The following ELAVL4 variants were observed in gnomAD, a reference collection of about 807,000 sequenced individuals.
ELAVL4 encodes ELAV-like protein 4.
A neutral mutation model predicts 35.6 loss-of-function variants in ELAVL4; 1 was observed. The observed-to-expected ratio is 0.03, with a 90% confidence interval of 0.01 to 0.13. The LOEUF is 0.13. ELAVL4 is among the 10% of genes least tolerant of loss of function. ELAVL4 has a pLI of 1.00. For synonymous variants in ELAVL4, 156 were observed against 171.0 expected (o/e 0.91, Z 0.69); for missense variants, 267 against 464.9 (o/e 0.57, Z 3.91).
intron 1 of ELAVL4, among the ~76,000 whole-genome samples, chr1:50,090,007 G>T (rs925615624): frequency 1.3e-5 from 2 of 152,238 alleles, no homozygotes; most frequent in Non-Finnish European, 1.5e-5. Flanking sequence ...GTCCCAACAT[G>T]TAAAGTATAG....
intron 3 of ELAVL4, among the ~76,000 whole-genome samples, chr1:50,186,102 G>A (rs193143889): frequency 7.2e-5 from 11 of 152,148 alleles, no homozygotes; most frequent in East Asian, 1.9e-4. Flanking sequence ...TGAATCTATC[G>A]TCACATCTTT....
At chr1:50,078,618 G>A (rs568425735) in intron 1 of ELAVL4, among the ~76,000 whole-genome samples, 1 of 152,294 alleles carries the variant, frequency 6.6e-6, no homozygotes, top group East Asian at 1.9e-4. Context: ...AAGGTTCCTA[G>A]GTGAGTGGAA....
At chr1:50,147,374 A>G (rs1673909104) in intron 2 of ELAVL4, among the ~76,000 whole-genome samples, 1 of 152,222 alleles carries the variant, frequency 6.6e-6, no homozygotes, top group African/African-American at 2.4e-5. Context: ...ATTTTAAATT[A>G]ACAGTGAAAC....
chr1:50,152,825 G>C (rs1675030341), intron 2 of ELAVL4, among the ~76,000 whole-genome samples: 1 of 152,156 alleles, frequency 6.6e-6, no homozygotes, highest in Non-Finnish European at 1.5e-5. Context: ...AGTTTGGAGA[G>C]AAGATAAAAT....
intron 1 of ELAVL4, among the ~76,000 whole-genome samples, chr1:50,123,497 A>AT (rs977372018): frequency 2.0e-5 from 3 of 151,932 alleles, no homozygotes; most frequent in African/African-American, 4.8e-5. Flanking sequence ...AAAATAATGT[A>AT]TTTTTTCACT....
chr1:50,053,061 A>G (rs999283618), intron 1 of ELAVL4, among the ~76,000 whole-genome samples: 1 of 152,116 alleles, frequency 6.6e-6, no homozygotes, highest in Non-Finnish European at 1.5e-5. Flanking sequence ...TTAATTGCAA[A>G]CGCTTATTAT....
At chr1:50,152,870 A>G (rs886153163) in intron 2 of ELAVL4, among the ~76,000 whole-genome samples, 22 of 152,318 alleles carry the variant, frequency 1.4e-4, no homozygotes, top group South Asian at 8.3e-4. Context: ...TAAGGTTTTT[A>G]TATTTGTAAA....
chr1:50,192,515 GCACGCACACACA>G lies in ELAVL4; in HGVS notation c.355-1246_355-1235del, dbSNP rs1169022715. ...TCCTTTTGCACACATGCTTTTGTGTGCACGCACACACACACACACACACACACACACACACAC... is the reference window on the plus strand; with the variant it reads ...TCCTTTTGCACACATGCTTTTGTGTGCACACACACACACACACACACACAC... On this transcript the variant is annotated intron_variant, in intron 3 of 6. Coordinates refer to ENST00000371824, the MANE Select transcript of ELAVL4 (RefSeq NM_001144774.3). 8.7e-5 allele frequency among the ~76,000 whole-genome samples: 7 copies of G among 80,350 alleles called. 1 individual carries two copies. The highest frequency in any genetic ancestry group is 3.1e-4 in the African/African-American group (7 of 22,618). 52.7% of individuals were successfully genotyped at this position (80,350 alleles called of 152,430 possible). A position where few individuals can be genotyped will look rare whatever the true frequency, so the allele number is the denominator to read the frequency against.
At chr1:50,054,279 T>G (rs531891503) in intron 1 of ELAVL4, among the ~76,000 whole-genome samples, 2 of 152,336 alleles carry the variant, frequency 1.3e-5, no homozygotes, top group South Asian at 4.1e-4. Flanking sequence ...ATTCTGCTGC[T>G]GGCAGAAGTT....
chr1:50,193,368 T>TG lies in ELAVL4; in HGVS notation c.355-397_355-396insG, dbSNP rs1379925458. ...TGTGCAGAGCAGAATTTCATGAGGT[T>TG]TTTTTTTTTTTTCTGGTTTATTCAA... is the stretch of plus-strand genomic sequence containing the variant. On this transcript the variant is annotated intron_variant, in intron 3 of 6. Transcript: ENST00000371824. 1.6e-4 allele frequency among the ~76,000 whole-genome samples: 23 copies of TG among 147,240 alleles called. No homozygotes were observed. In the East Asian group the frequency reaches 4.4e-3, roughly 28 times the overall value.
At chr1:50,112,223 A>G (rs1377535803) in intron 1 of ELAVL4, among the ~76,000 whole-genome samples, 1 of 152,076 alleles carries the variant, frequency 6.6e-6, no homozygotes, top group Admixed American at 6.6e-5. Flanking sequence ...TGTTGAGTGC[A>G]TAAGCCTGTG....
intron 2 of ELAVL4, among the ~76,000 whole-genome samples, chr1:50,154,389 T>TAA (rs5774065): frequency 0.37 from 56,074 of 151,842 alleles, 10,883 homozygotes; most frequent in East Asian, 0.77. Context: ...TCCACCTACT[T>TAA]AGTTCTTGCG....
chr1:50,197,615 C>T (rs1166245074), intron 6 of ELAVL4, 148 bp downstream of exon 6: 9 of 654,604 alleles, frequency 1.4e-5, no homozygotes, highest in African/African-American at 7.6e-5. Context: ...ATTTTAATTT[C>T]GGACCTCAGT....
intron 1 of ELAVL4, among the ~76,000 whole-genome samples, chr1:50,087,742 G>A (rs899168425): frequency 1.4e-4 from 22 of 152,154 alleles, no homozygotes; most frequent in Non-Finnish European, 2.1e-4. Flanking sequence ...TATAAGAAGA[G>A]GAAGAGAGAG....
At chr1:50,134,254 T>C (rs370438903) in intron 1 of ELAVL4, among the ~76,000 whole-genome samples, 1 of 152,212 alleles carries the variant, frequency 6.6e-6, no homozygotes, top group South Asian at 2.1e-4. Context: ...TTTATAAATA[T>C]ACAATACTAA....
chr1:50,129,567 A>G (rs538782003), intron 1 of ELAVL4, among the ~76,000 whole-genome samples: 2 of 152,232 alleles, frequency 1.3e-5, no homozygotes, highest in Non-Finnish European at 2.9e-5. Context: ...AGTGTCAAAC[A>G]TGCTACTTTC....
chr1:50,095,878 C>A (rs1340320929), intron 1 of ELAVL4, among the ~76,000 whole-genome samples: 3 of 152,174 alleles, frequency 2.0e-5, no homozygotes, highest in Non-Finnish European at 2.9e-5. Context: ...AAGCTCATAG[C>A]ATGAGCTCAA....
At chr1:50,158,910 C>T (rs376963856) in intron 2 of ELAVL4, among the ~76,000 whole-genome samples, 69 of 151,938 alleles carry the variant, frequency 4.5e-4, no homozygotes, top group African/African-American at 1.4e-3. Flanking sequence ...TGGTGGCAGG[C>T]GCCTGTAATC....
At position 50,109,019 on chromosome 1, in the gene ELAVL4, C is replaced by CGGGGG; in HGVS notation, c.-171_-170insGGGGG. On this transcript the variant is annotated 5_prime_UTR_variant, in exon 1 of 7. Coordinates refer to ENST00000371824, the MANE Select transcript of ELAVL4 (RefSeq NM_001144774.3). ...CTTTTCTTTTTTTTCTTTCTCTCCC[C>CGGGGG]CGCCCACCCCCCCAAAAATAATTGA... The CGGGGG allele has an allele frequency of 9.4e-6, 5 of 531,386 alleles. No homozygotes were observed. Among genetic ancestry groups the CGGGGG allele is most frequent in the Non-Finnish European group, 1.2e-5 (5 of 427,114 alleles). The allele number at this position is 531,386 out of a possible 1,614,324, so 32.9% of individuals were successfully genotyped here.
Sources: allele counts gnomAD v4.1 joint callset (sites outside exome capture counted in the v4.1 genomes callset), GRCh38; gene constraint gnomAD v4.1.1; transcripts MANE v1.5; gene names NCBI Gene and HGNC (gene_info 2026-07-23, HGNC 2026-07-21).